The following VPS52 variants were observed in gnomAD, a reference collection of about 807,000 sequenced individuals.
VPS52 encodes the protein VPS52 subunit of GARP complex.
VPS52 carries 56 observed loss-of-function variants against 98.7 expected under a neutral mutation model. The ratio of observed to expected loss-of-function variants is 0.57; its 90% CI spans 0.46 to 0.71. VPS52 has a LOEUF of 0.71. Ranked by LOEUF, VPS52 falls within the 30% of genes least tolerant of loss-of-function variation. VPS52 has a pLI of 0.00. For missense variants in VPS52, 742 were observed against 925.9 expected (o/e 0.80, Z 2.58); for synonymous variants, 348 against 346.4 (o/e 1.00, Z -0.05).
intron 12 of VPS52, 77 bp downstream of exon 12, chr6:33,266,480 A>G: frequency 2.7e-6 from 4 of 1,458,560 alleles, no homozygotes; most frequent in South Asian, 1.5e-5. Flanking sequence ...CAGTTCTACC[A>G]GAGTCATGAC....
chr6:33,251,011 G>T, intron 19 of VPS52, 24 bp from the exon 20 acceptor site: 1 of 1,612,922 alleles, frequency 6.2e-7, no homozygotes, highest in South Asian at 1.1e-5. Context: ...GTCATTGAGG[G>T]ATCAAACCGT....
intron 17 of VPS52, among the ~76,000 whole-genome samples, chr6:33,253,140 G>C (rs1762507896): frequency 6.6e-6 from 1 of 151,944 alleles, no homozygotes; most frequent in Non-Finnish European, 1.5e-5. Context: ...GAAATCTATA[G>C]ACTAAAAAAA....
At chr6:33,251,361 CA>C (rs540874776) in intron 19 of VPS52, among the ~76,000 whole-genome samples, 156 bp downstream of exon 19, 4 of 148,142 alleles carry the variant, frequency 2.7e-5, no homozygotes, top group Admixed American at 1.3e-4. Context: ...ACAAAACAAA[CA>C]AAAAAAAAAG....
intron 17 of VPS52, among the ~76,000 whole-genome samples, chr6:33,261,450 G>A (rs1405652496): frequency 1.3e-5 from 2 of 150,040 alleles, no homozygotes; most frequent in African/African-American, 4.9e-5. Flanking sequence ...CTAGGTGACA[G>A]AGCAAGACTC....
Position 33,268,004 on chromosome 6 carries a change from G to A in VPS52, c.801-7C>T. On this transcript the variant is annotated splice_region_variant and splice_polypyrimidine_tract_variant and intron_variant, in intron 8 of 19. Transcript: ENST00000445902. The surrounding 1 kb of genome is among the most constrained non-coding windows in gnomAD (Gnocchi z 4.0). Reference sequence around the variant, plus strand: ...CAGAAACTGATAGAAGAACCTAGGGGGTCAGGAACATGTCAGTCTACCTGT... The same window carrying A: ...CAGAAACTGATAGAAGAACCTAGGGAGTCAGGAACATGTCAGTCTACCTGT... The A allele has an allele frequency of 3.7e-6, 6 of 1,612,992 alleles. No individual in the cohort carries two copies. Among genetic ancestry groups the A allele is most frequent in the Non-Finnish European group, 5.1e-6 (6 of 1,180,008 alleles).
Position 33,271,869 on chromosome 6 carries a change from C to T in VPS52, c.-194G>A. ...CAAATGGAAATATGGAAGTCTGAAA[C>T]ACAAACTAGCCCCGGAACCTTCGCT... On this transcript the variant is annotated 5_prime_UTR_variant, in exon 1 of 20. Transcript: ENST00000445902. 1 of 1,270,162 alleles carries T rather than the reference C, an allele frequency of 7.9e-7. No individual in the cohort carries two copies. The highest frequency in any genetic ancestry group is 1.1e-6 in the Non-Finnish European group (1 of 945,734). 78.7% of individuals were successfully genotyped at this position (1,270,162 alleles called of 1,614,324 possible).
rs767312322 is a variant in VPS52, at chr6:33,269,200, G to A, written c.373-11C>T. On this transcript the variant is annotated splice_polypyrimidine_tract_variant and intron_variant, in intron 5 of 19. Transcript: ENST00000445902. ...CATCTGCTCCATTCGCTGTAGGGAG[G>A]GTAGATGTTGCCGGAGTGCTATAGG... The A allele has an allele frequency of 6.2e-7, 1 of 1,612,842 alleles. No homozygotes were observed. The highest frequency in any genetic ancestry group is 8.5e-7 in the Non-Finnish European group (1 of 1,179,878).
At chr6:33,261,660 G>A (rs1006547291) in intron 17 of VPS52, among the ~76,000 whole-genome samples, 3 of 152,050 alleles carry the variant, frequency 2.0e-5, no homozygotes, top group Non-Finnish European at 4.4e-5. Flanking sequence ...TCCAAGACAC[G>A]GGTCTGGGCA....
chr6:33,267,188 C>A lies in VPS52; in HGVS notation c.1125G>T (p.Arg375Ser). Residue 375 changes from arginine to serine, a missense_variant and splice_region_variant, in exon 11 of 20, where the codon AGG becomes AGT. This residue lies in a region of VPS52 where 590 missense variants were observed against 793.3 expected (regional missense o/e 0.74). Coordinates refer to ENST00000445902, the MANE Select transcript of VPS52 (RefSeq NM_022553.6). The surrounding 1 kb of genome is among the most constrained non-coding windows in gnomAD (Gnocchi z 4.2). ...VPHTAQRGEQ[R>S]YPFEALFRSQ... ...GACTGAAGCTTGTTCCTCCTCATAC[C>A]CTCTGCTCTCCGCGCTGCGCTGTGT... 6.6e-7 allele frequency: 1 copy of A among 1,508,518 alleles called. No individual in the cohort carries two copies. Among genetic ancestry groups the A allele is most frequent in the South Asian group, 1.4e-5 (1 of 72,352 alleles). The allele number at this position is 1,508,518 out of a possible 1,614,324, so 93.4% of individuals were successfully genotyped here. A position where few individuals can be genotyped will look rare whatever the true frequency, so the allele number is the denominator to read the frequency against.
chr6:33,258,400 A>G (rs2150813138), intron 17 of VPS52, among the ~76,000 whole-genome samples: 1 of 151,262 alleles, frequency 6.6e-6, no homozygotes, highest in African/African-American at 2.4e-5. Flanking sequence ...AAAAAAAAAA[A>G]AAAGGTGCAA....
chr6:33,267,103 T>G lies in VPS52; in HGVS notation c.1125+85A>C. ...GGGGATTAAGACAGGGCCTGCAGGT[T>G]GGGAAGCTCTGCCCTGAGGTCTGGC... On this transcript the variant is annotated intron_variant, in intron 11 of 19. Coordinates refer to ENST00000445902, the MANE Select transcript of VPS52 (RefSeq NM_022553.6). The surrounding 1 kb of genome is among the most constrained non-coding windows in gnomAD (Gnocchi z 4.2). 1 of 1,428,566 alleles carries G rather than the reference T, an allele frequency of 7.0e-7. No individual in the cohort carries two copies. Among genetic ancestry groups the G allele is most frequent in the Non-Finnish European group, 9.2e-7 (1 of 1,086,592 alleles). 88.5% of individuals were successfully genotyped at this position (1,428,566 alleles called of 1,614,324 possible). A position where few individuals can be genotyped will look rare whatever the true frequency, so the allele number is the denominator to read the frequency against.
Position 33,264,077 on chromosome 6 carries a change from G to C in VPS52, c.1551C>G (p.Ser517=). ...HYITRRYAEF[S]SALVSINQTI... ...TCTGGTTGATACTGACAAGAGCGGA[G>C]GAGAACTCTGCATAGCGGCGTGTGA... The change falls in exon 15 of 20, where the codon TCC becomes TCG. Residue 517 remains serine (S), a synonymous_variant. Transcript: ENST00000445902. The C allele has an allele frequency of 6.2e-7, 1 of 1,614,224 alleles. No individual in the cohort carries two copies. The highest frequency in any genetic ancestry group is 1.1e-5 in the South Asian group (1 of 91,088).
At position 33,250,486 on chromosome 6, in the gene VPS52, G is replaced by A. The variant is rs1762085923; in HGVS notation, c.*355C>T. On this transcript the variant is annotated 3_prime_UTR_variant, in exon 20 of 20. Transcript: ENST00000445902. ...GAGGCTTCATGCCTCAGGACATGGT[G>A]ACTAGTTGAGTGAACCAGAGATTGA... The A allele has an allele frequency of 4.0e-6, 1 of 248,944 alleles. No homozygotes were observed. Among genetic ancestry groups the A allele is most frequent in the East Asian group, 9.0e-5 (1 of 11,052 alleles). The allele number at this position is 248,944 out of a possible 1,614,324, so 15.4% of individuals were successfully genotyped here.
intron 17 of VPS52, among the ~76,000 whole-genome samples, chr6:33,255,309 C>T (rs1293264871): frequency 6.6e-6 from 1 of 152,062 alleles, no homozygotes; most frequent in Non-Finnish European, 1.5e-5. Context: ...GCTGGCGAGT[C>T]TCTATACCTG....
chr6:33,265,445 C>T (rs752871136), intron 12 of VPS52, among the ~76,000 whole-genome samples: 6 of 152,152 alleles, frequency 3.9e-5, no homozygotes, highest in Non-Finnish European at 5.9e-5. Flanking sequence ...TAGTTCACTG[C>T]AGCCTCAAAC....
At chr6:33,254,009 G>A (rs1278531740) in intron 17 of VPS52, among the ~76,000 whole-genome samples, 1 of 152,046 alleles carries the variant, frequency 6.6e-6, no homozygotes, top group Non-Finnish European at 1.5e-5. Context: ...TTTGTTTAAT[G>A]TAAAAGGGAG....
chr6:33,270,273 G>A lies in VPS52; in HGVS notation c.101C>T (p.Pro34Leu). 6.2e-7 allele frequency: 1 copy of A among 1,611,700 alleles called. No homozygotes were observed. Among genetic ancestry groups the A allele is most frequent in the Middle Eastern group, 1.7e-4 (1 of 6,050 alleles). The stretch of plus-strand genomic sequence containing the variant: ...AAGTTGCAGTGGTTCCTGGAGCCCA[G>A]GACCACCCGCCTGGAAAGGGATAAG... Reference protein sequence around the residue: ...EEEEGPLAGGPGLQEPLQLGE... With the variant: ...EEEEGPLAGGLGLQEPLQLGE... The change falls in exon 2 of 20, where the codon CCT becomes CTT. Residue 34 changes from proline (P) to leucine (L), a missense_variant. Physicochemically the swap from Pro to Leu is moderately conservative, Grantham distance 98 (BLOSUM62 -3). Around this residue, in one of 2 missense-constraint regions of VPS52, gnomAD observed 152 missense variants for 132.6 expected, o/e 1.15. Coordinates refer to ENST00000445902, the MANE Select transcript of VPS52 (RefSeq NM_022553.6).
In VPS52 at chr6:33,264,041, A is replaced by C. The variant is rs776125760; in HGVS notation, c.1587T>G (p.Asn529Lys). 6.2e-7 allele frequency: 1 copy of C among 1,614,256 alleles called. No individual in the cohort carries two copies. The highest frequency in any genetic ancestry group is 8.5e-7 in the Non-Finnish European group (1 of 1,180,040). Reference protein sequence around the residue: ...ALVSINQTIPNERTMQLLGQL... With the variant: ...ALVSINQTIPKERTMQLLGQL... ...GTCCCAGCAATTGCATGGTCCGTTC[A>C]TTAGGAATTGTCTGGTTGATACTGA... The change falls in exon 15 of 20, where the codon AAT (asparagine) becomes AAG (lysine). Residue 529 changes from asparagine to lysine, a missense_variant. Around this residue, in one of 2 missense-constraint regions of VPS52, gnomAD observed 590 missense variants for 793.3 expected, o/e 0.74. Coordinates refer to ENST00000445902, the MANE Select transcript of VPS52 (RefSeq NM_022553.6).
intron 12 of VPS52, among the ~76,000 whole-genome samples, chr6:33,266,155 TG>T (rs1003760540): frequency 2.1e-5 from 3 of 144,116 alleles, no homozygotes; most frequent in African/African-American, 7.8e-5. Flanking sequence ...CCACTGCACC[TG>T]GCTATTTTTT....
Sources: allele counts gnomAD v4.1 joint callset (sites outside exome capture counted in the v4.1 genomes callset), GRCh38; gene constraint gnomAD v4.1.1; regional missense constraint gnomAD v4.1.1; non-coding constraint Gnocchi (gnomAD v3.1); transcripts MANE v1.5; gene names NCBI Gene and HGNC (gene_info 2026-07-23, HGNC 2026-07-21).